TAPBPL: variants seen among roughly 807,000 people sequenced by gnomAD.
TAPBPL encodes TAP binding protein like, also known as tapasin-related protein.
In TAPBPL, 32 loss-of-function variants were observed where a neutral mutation model predicts 44.8. The observed-to-expected ratio is 0.71, with a 90% CI of 0.54 to 0.96. The LOEUF (loss-of-function observed/expected upper bound fraction) is 0.96, where lower values mean the gene tolerates loss of function less well. TAPBPL is among the 40% of genes least tolerant of loss of function. The pLI is 0.00. For synonymous variants in TAPBPL, 230 were observed against 240.7 expected (o/e 0.96, Z 0.41); for missense variants, 520 against 586.6 (o/e 0.89, Z 1.17).
At chr12:6,465,103 G>C (rs567506477), downstream of TAPBPL, 2 of 967,878 alleles carry the variant, frequency 2.1e-6, no homozygotes, top group South Asian at 3.1e-5. Flanking sequence ...CTACCCTTCT[G>C]CTTCCCAGGG....
chr12:6,465,442 G>GTA (rs1949995733), downstream of TAPBPL: 2 of 131,252 alleles, frequency 1.5e-5, no homozygotes, highest in East Asian at 2.3e-4. Flanking sequence ...GTATATATAT[G>GTA]TATATATACA....
chr12:6,456,655 T>C (rs949587343), intron 3 of TAPBPL, among the ~76,000 whole-genome samples: 2 of 150,774 alleles, frequency 1.3e-5, no homozygotes, highest in Admixed American at 6.6e-5. Context: ...TTTTGTTTTG[T>C]TTTTTACATT....
At chr12:6,470,839 G>T (rs954284218), downstream of TAPBPL, 11 of 500,824 alleles carry the variant, frequency 2.2e-5, no homozygotes, top group Non-Finnish European at 3.6e-6. Context: ...CCTCTCATCC[G>T]ACTCCGGAAA....
downstream of TAPBPL, chr12:6,466,343 G>A: frequency 6.2e-7 from 1 of 1,613,128 alleles, no homozygotes; most frequent in South Asian, 1.1e-5. Flanking sequence ...TGGCTGAGCT[G>A]GAGCAGACCT....
chr12:6,464,462 G>A (rs769766199), downstream of TAPBPL: 32 of 1,554,966 alleles, frequency 2.1e-5, no homozygotes, highest in South Asian at 3.6e-5. Flanking sequence ...GGAAGGGGTG[G>A]TACATTCTCA....
At chr12:6,464,441 A>G (rs1159619929), downstream of TAPBPL, 1 of 1,566,608 alleles carries the variant, frequency 6.4e-7, no homozygotes. Context: ...GTGGATGGCA[A>G]TGGACAACAG....
At chr12:6,460,507 TC>T (rs1949826132) in intron 5 of TAPBPL, among the ~76,000 whole-genome samples, 2 of 152,186 alleles carry the variant, frequency 1.3e-5, no homozygotes, top group South Asian at 4.1e-4. Context: ...CCTCAGGTGA[TC>T]CACCTACCTC....
Position 6,453,429 on chromosome 12 carries a change from T to C in TAPBPL, c.296-18T>C. The C allele has an allele frequency of 6.2e-7, 1 of 1,613,518 alleles. No homozygotes were observed. The highest frequency in any genetic ancestry group is 8.5e-7 in the Non-Finnish European group (1 of 1,179,622). On this transcript the variant is annotated intron_variant, in intron 2 of 6. Transcript: ENST00000266556. This position sits in a 1 kb window ranked among gnomAD's most constrained non-coding sequence, Gnocchi z 4.8. ...CTCACGCTAATTTGCCCTCTGTGTGTGCCCTGCTTCTCCCCAGTGGACCTG... is the reference window on the plus strand; with the variant it reads ...CTCACGCTAATTTGCCCTCTGTGTGCGCCCTGCTTCTCCCCAGTGGACCTG...
intron 6 of TAPBPL, among the ~76,000 whole-genome samples, chr12:6,461,708 G>A (rs1399395410): frequency 2.0e-5 from 3 of 152,228 alleles, no homozygotes; most frequent in South Asian, 4.1e-4. Flanking sequence ...TCCCTCGGGT[G>A]ACTGCTGGGA....
At chr12:6,457,782 T>C (rs751515199) in intron 4 of TAPBPL, 38 bp downstream of exon 4, 17 of 1,509,222 alleles carry the variant, frequency 1.1e-5, no homozygotes, top group Middle Eastern at 1.8e-4. Context: ...GAAGGGGATA[T>C]AACATGTCTA....
downstream of TAPBPL, chr12:6,465,372 A>G (rs1358156959): frequency 8.9e-6 from 1 of 111,912 alleles, no homozygotes; most frequent in African/African-American, 4.1e-5. Flanking sequence ...ATATATATAT[A>G]AATGTATATA....
At chr12:6,454,701 G>A (rs1476605468) in intron 3 of TAPBPL, among the ~76,000 whole-genome samples, 1 of 152,156 alleles carries the variant, frequency 6.6e-6, no homozygotes, top group Non-Finnish European at 1.5e-5. Flanking sequence ...ATGCTAGGCT[G>A]CTCTGGTGCT....
At chr12:6,464,404 A>C, downstream of TAPBPL, 7 of 1,556,988 alleles carry the variant, frequency 4.5e-6, no homozygotes, top group Non-Finnish European at 6.1e-6. Flanking sequence ...GTGTTGAGAG[A>C]GCAAACAGAG....
downstream of TAPBPL, chr12:6,466,392 C>A (rs765074901): frequency 1.3e-6 from 2 of 1,585,076 alleles, no homozygotes; most frequent in Non-Finnish European, 1.7e-6. Flanking sequence ...GTGACCAAGA[C>A]AAGAAAGGAG....
In TAPBPL at chr12:6,452,092, G is replaced by A; in HGVS notation, c.-157G>A. On this transcript the variant is annotated 5_prime_UTR_variant, in exon 1 of 7. Transcript: ENST00000266556. ...CTGCCATCTTGCTCTAAGTGAAAGTGAAAGAAAAGTCGGCAGCAGAGGGAA... is the reference window on the plus strand; with the variant it reads ...CTGCCATCTTGCTCTAAGTGAAAGTAAAAGAAAAGTCGGCAGCAGAGGGAA... The A allele has an allele frequency of 4.6e-6, 4 of 869,858 alleles. No individual in the cohort carries two copies. The South Asian group carries it at 4.8e-5, about 10-fold the overall frequency. 53.9% of individuals were successfully genotyped at this position (869,858 alleles called of 1,614,324 possible). A position where few individuals can be genotyped will look rare whatever the true frequency, so the allele number is the denominator to read the frequency against.
the TAPBPL span, among the ~76,000 whole-genome samples, chr12:6,471,611 T>C: frequency 6.6e-6 from 1 of 152,160 alleles, no homozygotes; most frequent in African/African-American, 2.4e-5. This position sits in a 1 kb window ranked among gnomAD's most constrained non-coding sequence, Gnocchi z 4.0. Flanking sequence ...GCAGATTACC[T>C]GAGATCAGGA....
chr12:6,461,359 T>A, intron 6 of TAPBPL: 1 of 1,021,778 alleles, frequency 9.8e-7, no homozygotes, highest in Non-Finnish European at 1.2e-6. Flanking sequence ...GAAGGCAGAA[T>A]GTCCAGATGG....
chr12:6,459,065 T>C (rs1360799376), intron 5 of TAPBPL, 118 bp downstream of exon 5: 6 of 1,172,962 alleles, frequency 5.1e-6, no homozygotes, highest in Non-Finnish European at 7.1e-6. Flanking sequence ...CCTGGCTTCA[T>C]GCTCCTGCCT....
At chr12:6,466,070 A>T (rs1950016735), downstream of TAPBPL, 1 of 1,611,856 alleles carries the variant, frequency 6.2e-7, no homozygotes, top group Non-Finnish European at 8.5e-7. Flanking sequence ...ACAACCAGAG[A>T]ATCACAAGTC....
Sources: gnomAD v4.1 joint callset for allele counts (sites outside exome capture counted in the v4.1 genomes callset) on GRCh38, gnomAD v4.1.1 for gene constraint, Gnocchi (gnomAD v3.1) non-coding constraint, MANE v1.5 for transcripts, NCBI Gene and HGNC (gene_info 2026-07-23, HGNC 2026-07-21) for gene names.